CALCR: variants seen among roughly 807,000 people sequenced by gnomAD.
The protein encoded by CALCR is calcitonin receptor.
CALCR carries 47 observed loss-of-function variants against 59.5 expected under a neutral mutation model. The ratio of observed to expected loss-of-function variants is 0.79; its 90% CI spans 0.63 to 1.01. CALCR has a LOEUF of 1.01. CALCR is among the 50% of genes least tolerant of loss of function. The probability of loss-of-function intolerance (pLI) is 0.00; values close to 1 mark genes in which losing one functional copy is unlikely to be tolerated. For missense variants in CALCR, 566 were observed against 597.1 expected (o/e 0.95, Z 0.54); for synonymous variants, 213 against 211.3 (o/e 1.01, Z -0.07).
At chr7:93,510,674 C>A (rs1169992988) in intron 2 of CALCR, among the ~76,000 whole-genome samples, 2 of 152,024 alleles carry the variant, frequency 1.3e-5, no homozygotes, top group East Asian at 1.9e-4. Flanking sequence ...TGGAGACCAG[C>A]CTGGGCAACA....
At chr7:93,491,354 T>A (rs1431980556) in intron 2 of CALCR, among the ~76,000 whole-genome samples, 1 of 152,044 alleles carries the variant, frequency 6.6e-6, no homozygotes, top group African/African-American at 2.4e-5. Context: ...GGGCAAAGAC[T>A]TCATGACAAA....
At chr7:93,434,388 T>TCAAA in intron 12 of CALCR, 94 bp from the exon 13 acceptor site, 2 of 545,738 alleles carry the variant, frequency 3.7e-6, no homozygotes, top group Admixed American at 9.0e-5. Flanking sequence ...GAAGGCCTGA[T>TCAAA]GAAAAAAAAA....
chr7:93,519,558 G>A (rs1351531967), intron 2 of CALCR, among the ~76,000 whole-genome samples: 1 of 151,986 alleles, frequency 6.6e-6, no homozygotes, highest in Non-Finnish European at 1.5e-5. Context: ...CAATAAATAT[G>A]TTGAGCATTT....
intron 6 of CALCR, 83 bp downstream of exon 6, chr7:93,472,292 C>G: frequency 1.3e-6 from 1 of 768,402 alleles, no homozygotes; most frequent in South Asian, 1.8e-5. Flanking sequence ...TTCTTTGTGG[C>G]AGATATTTTA....
intron 8 of CALCR, among the ~76,000 whole-genome samples, chr7:93,457,631 G>A (rs1169096705): frequency 6.6e-6 from 1 of 152,178 alleles, no homozygotes; most frequent in Admixed American, 6.6e-5. Context: ...GCTCCGTACA[G>A]AGAGTAACTT....
chr7:93,541,034 A>T (rs12704678), intron 2 of CALCR, among the ~76,000 whole-genome samples: 57,828 of 151,932 alleles, frequency 0.38, 12,157 homozygotes, highest in Non-Finnish European at 0.48. Flanking sequence ...CTGAAAAAAT[A>T]CTGATATGTT....
At chr7:93,532,155 T>A (rs1471004459) in intron 2 of CALCR, among the ~76,000 whole-genome samples, 1 of 152,036 alleles carries the variant, frequency 6.6e-6, no homozygotes, top group Non-Finnish European at 1.5e-5. Context: ...GTAAAATAAA[T>A]CAGTTTTCAC....
intron 8 of CALCR, among the ~76,000 whole-genome samples, chr7:93,460,571 A>T (rs1562982401): frequency 5.2e-5 from 3 of 58,006 alleles, no homozygotes; most frequent in African/African-American, 1.4e-4. Context: ...AAAAAAAAAA[A>T]AATATATATA....
intron 9 of CALCR, among the ~76,000 whole-genome samples, chr7:93,442,527 C>T (rs1799928136): frequency 6.6e-6 from 1 of 152,168 alleles, no homozygotes; most frequent in Admixed American, 6.5e-5. Flanking sequence ...AAGCACATTT[C>T]TATAAAGTTG....
chr7:93,526,331 A>G (rs779389376), intron 2 of CALCR, among the ~76,000 whole-genome samples: 10 of 152,096 alleles, frequency 6.6e-5, no homozygotes, highest in African/African-American at 1.2e-4. Flanking sequence ...CCAATACATC[A>G]CACTGTTACT....
chr7:93,488,582 G>GCAAAAAAAAAAAAAAAAAAAAAAAAAAA (rs770479251), intron 2 of CALCR, among the ~76,000 whole-genome samples: 13 of 78,026 alleles, frequency 1.7e-4, no homozygotes, highest in East Asian at 4.4e-4. Flanking sequence ...CAAATGGAAA[G>GCAAAAAAAAAAAAAAAAAAAAAAAAAAA]AAAAAAAAAA....
chr7:93,507,058 T>C (rs960799769), intron 2 of CALCR, among the ~76,000 whole-genome samples: 2 of 152,196 alleles, frequency 1.3e-5, no homozygotes, highest in Non-Finnish European at 2.9e-5. Context: ...CCATTAAGCA[T>C]CTTTTTCTTT....
chr7:93,569,699 A>G (rs1048767269), intron 2 of CALCR, among the ~76,000 whole-genome samples: 1 of 152,158 alleles, frequency 6.6e-6, no homozygotes, highest in Non-Finnish European at 1.5e-5. Flanking sequence ...AGGACATAAT[A>G]GGCACTTAGT....
rs757361863 is a variant in CALCR at position 93,426,411 on chromosome 7, T to A, written c.1370A>T (p.Glu457Val). The A allele has an allele frequency of 7.4e-6, 12 of 1,613,816 alleles. No homozygotes were observed. In the East Asian group the frequency reaches 2.7e-4, roughly 36 times the overall value. ...CAAAGGGATGATCTCAGCACTCTCC[T>A]CGCCTTGGTTGTTGGCTGGTTCATT... Reference protein sequence around the residue: ...LRNEPANNQGEESAEIIPLNI... With the variant: ...LRNEPANNQGVESAEIIPLNI... The change falls in exon 14 of 14, where the codon GAG (glutamate) becomes GTG (valine). Residue 457 changes from glutamate to valine, a missense_variant. Physicochemically the swap from Glu to Val is moderately radical, Grantham distance 121 (BLOSUM62 -2). Transcript: ENST00000426151.
At chr7:93,527,363 A>G (rs1027831435) in intron 2 of CALCR, among the ~76,000 whole-genome samples, 4 of 151,092 alleles carry the variant, frequency 2.6e-5, no homozygotes, top group Admixed American at 6.6e-5. Flanking sequence ...GCATAAATGT[A>G]TATTTAAATG....
chr7:93,454,916 T>TTGTGTGTGTGTGTGTG (rs4015273), intron 8 of CALCR, among the ~76,000 whole-genome samples: 30 of 145,008 alleles, frequency 2.1e-4, no homozygotes, highest in African/African-American at 7.2e-4. Flanking sequence ...ACAGGGCATT[T>TTGTGTGTGTGTGTGTG]TGTGTGTGTG....
At chr7:93,503,551 T>C (rs1267739129) in intron 2 of CALCR, among the ~76,000 whole-genome samples, 1 of 152,154 alleles carries the variant, frequency 6.6e-6, no homozygotes, top group Non-Finnish European at 1.5e-5. Context: ...TGATTTTGCT[T>C]GCCTGCATTT....
At position 93,549,342 on chromosome 7, in the gene CALCR, A is replaced by G. The variant is rs1789388348; in HGVS notation, c.-27+24947T>C. Among the ~76,000 whole-genome samples, 3 of 152,138 alleles carry G rather than the reference A, an allele frequency of 2.0e-5. No homozygotes were observed. In the South Asian group the frequency reaches 6.2e-4, roughly 31 times the overall value. On this transcript the variant is annotated intron_variant, in intron 2 of 13. Transcript: ENST00000426151. Reference sequence around the variant, plus strand: ...AATGACTATCTTAGTTCTAAAGTCTATTCCCTTTTCTCAACTAGGGAAGGT... The same window carrying G: ...AATGACTATCTTAGTTCTAAAGTCTGTTCCCTTTTCTCAACTAGGGAAGGT...
chr7:93,440,275 T>A lies in CALCR; in HGVS notation c.803-2005A>T, dbSNP rs566564329. ...TCATACTGTCTTCATGTGAAAAAAA[T>A]TTTCAAAGGACAATAAAAATATTAT... is the stretch of plus-strand genomic sequence containing the variant. On this transcript the variant is annotated intron_variant, in intron 9 of 13. Coordinates refer to ENST00000426151, the MANE Select transcript of CALCR (RefSeq NM_001742.4). 5.3e-5 allele frequency among the ~76,000 whole-genome samples: 8 copies of A among 152,190 alleles called. No individual in the cohort carries two copies. The South Asian group carries it at 1.2e-3, about 24-fold the overall frequency.
Sources: gnomAD v4.1 joint callset for allele counts (sites outside exome capture counted in the v4.1 genomes callset) on GRCh38, gnomAD v4.1.1 for gene constraint, MANE v1.5 for transcripts, NCBI Gene and HGNC (gene_info 2026-07-23, HGNC 2026-07-21) for gene names.